The following SPHKAP variants were observed in gnomAD, a reference collection of about 807,000 sequenced individuals.
SPHKAP encodes A-kinase anchor protein SPHKAP.
SPHKAP carries 67 observed loss-of-function variants against 137.5 expected under a neutral mutation model. The ratio of observed to expected loss-of-function variants is 0.49; its 90% CI spans 0.40 to 0.60. SPHKAP has a LOEUF of 0.60. Ranked by LOEUF, SPHKAP falls within the 20% of genes least tolerant of loss-of-function variation. The pLI, the probability that SPHKAP is intolerant of heterozygous loss-of-function variation, is 0.00. For synonymous variants in SPHKAP, 813 were observed against 785.3 expected (o/e 1.04, Z -0.59); for missense variants, 2,097 against 2,069.3 (o/e 1.01, Z -0.26).
chr2:228,017,740 A>G lies in SPHKAP; in HGVS notation c.3114T>C (p.Phe1038=), dbSNP rs1694665672. ...TGATCTTGGCTGCCACTTCATTGGC[A>G]AAAAGATTGACAGAATCTGGGACAT... ...LEDVPDSVNL[F]ANEVAAKIMN... Residue 1038 remains phenylalanine, a synonymous_variant, in exon 7 of 12, where the codon TTT becomes TTC. Coordinates refer to ENST00000392056, the MANE Select transcript of SPHKAP (RefSeq NM_001142644.2). 6.2e-7 allele frequency: 1 copy of G among 1,614,090 alleles called. No individual in the cohort carries two copies. The highest frequency in any genetic ancestry group is 8.5e-7 in the Non-Finnish European group (1 of 1,180,030).
At chr2:228,076,564 G>A (rs1232496604) in intron 3 of SPHKAP, among the ~76,000 whole-genome samples, 1 of 152,102 alleles carries the variant, frequency 6.6e-6, no homozygotes, top group East Asian at 1.9e-4. Context: ...AAGAGACTGG[G>A]GACATTTTGC....
chr2:228,088,922 CAA>C (rs796860245), intron 3 of SPHKAP, among the ~76,000 whole-genome samples: 9 of 152,284 alleles, frequency 5.9e-5, no homozygotes, highest in African/African-American at 2.2e-4. Context: ...TACCTAGTCT[CAA>C]GTATTCTTTT....
intron 3 of SPHKAP, among the ~76,000 whole-genome samples, chr2:228,098,924 A>C (rs1194762853): frequency 6.6e-6 from 1 of 151,760 alleles, no homozygotes; most frequent in East Asian, 1.9e-4. Flanking sequence ...ATAGATTCTG[A>C]ATATTAGATC....
intron 7 of SPHKAP, among the ~76,000 whole-genome samples, chr2:228,009,327 A>T (rs1441697636): frequency 1.3e-5 from 2 of 152,150 alleles, no homozygotes; most frequent in Non-Finnish European, 2.9e-5. Context: ...TAATTTGATT[A>T]TCATGTGCCT....
chr2:228,043,658 T>G (rs1399178786), intron 3 of SPHKAP, among the ~76,000 whole-genome samples: 1 of 152,194 alleles, frequency 6.6e-6, no homozygotes, highest in Non-Finnish European at 1.5e-5. Context: ...GTTAAAAAGC[T>G]AATCAAATAA....
chr2:228,027,975 A>G, intron 3 of SPHKAP: 1 of 968,872 alleles, frequency 1.0e-6, no homozygotes. Flanking sequence ...AAAAAAAAAA[A>G]AGAAAAAAGA....
At chr2:228,004,796 G>A (rs889749805) in intron 7 of SPHKAP, among the ~76,000 whole-genome samples, 1 of 152,050 alleles carries the variant, frequency 6.6e-6, no homozygotes, top group Admixed American at 6.6e-5. Flanking sequence ...CTTTATTTCT[G>A]CCTTCATTTT....
chr2:228,116,223 C>A (rs34862603), intron 2 of SPHKAP, among the ~76,000 whole-genome samples: 3,176 of 152,180 alleles, frequency 0.021, 51 homozygotes, highest in Non-Finnish European at 0.029. Context: ...CCTATGTGTT[C>A]GTATTGTAAT....
chr2:228,074,355 A>C (rs1697104798), intron 3 of SPHKAP, among the ~76,000 whole-genome samples: 1 of 152,186 alleles, frequency 6.6e-6, no homozygotes. Flanking sequence ...TTAATTTATA[A>C]AGGAAAGAGG....
chr2:228,036,704 TA>T (rs1259497219), intron 3 of SPHKAP, among the ~76,000 whole-genome samples: 4 of 152,050 alleles, frequency 2.6e-5, no homozygotes, highest in Non-Finnish European at 5.9e-5. Flanking sequence ...TATGCAGCCA[TA>T]AAAAATGATG....
chr2:228,018,808 T>C lies in SPHKAP; in HGVS notation c.2046A>G (p.Glu682=). 2 of 1,614,210 alleles carry C rather than the reference T, an allele frequency of 1.2e-6. No homozygotes were observed. The highest frequency in any genetic ancestry group is 2.2e-5 in the East Asian group (1 of 44,888). Residue 682 remains glutamate (E), a synonymous_variant, in exon 7 of 12, where the codon GAA becomes GAG. Transcript: ENST00000392056. ...CGATTATCATATTTTTGTGGTGAAC[T>C]TCATCAATGGAATGCCTCAGGATAA... The part of the protein sequence containing the change: ...SNVILRHSID[E]VHHKNMIIDP...
chr2:228,093,408 A>G (rs1043472254), intron 3 of SPHKAP, among the ~76,000 whole-genome samples: 1 of 152,246 alleles, frequency 6.6e-6, no homozygotes, highest in Non-Finnish European at 1.5e-5. Flanking sequence ...ATGAATGAAC[A>G]AAACCCACAC....
At chr2:228,078,513 G>A (rs1305243008) in intron 3 of SPHKAP, among the ~76,000 whole-genome samples, 1 of 151,406 alleles carries the variant, frequency 6.6e-6, no homozygotes, top group East Asian at 1.9e-4. Flanking sequence ...GTAAATTAGT[G>A]GTGTGACTGT....
intron 3 of SPHKAP, among the ~76,000 whole-genome samples, chr2:228,085,649 T>C (rs952621984): frequency 3.9e-5 from 6 of 152,248 alleles, no homozygotes; most frequent in African/African-American, 7.2e-5. Flanking sequence ...TGGGCTTATC[T>C]TGAAATTGCA....
intron 7 of SPHKAP, 55 bp from the exon 8 acceptor site, chr2:227,995,749 G>A: frequency 7.2e-7 from 1 of 1,398,584 alleles, no homozygotes; most frequent in Non-Finnish European, 9.5e-7. Context: ...CACACACACA[G>A]AAACTTCACA....
intron 1 of SPHKAP, among the ~76,000 whole-genome samples, chr2:228,138,865 T>G (rs1039920856): frequency 2.0e-5 from 3 of 152,014 alleles, no homozygotes; most frequent in Non-Finnish European, 4.4e-5. Flanking sequence ...AGCAAGAAAC[T>G]GTGATGTATT....
intron 3 of SPHKAP, among the ~76,000 whole-genome samples, chr2:228,054,335 A>G (rs1306979632): frequency 6.6e-6 from 1 of 152,166 alleles, no homozygotes; most frequent in Non-Finnish European, 1.5e-5. Flanking sequence ...CTCTGGTGGG[A>G]GAATCATGTA....
In SPHKAP at chr2:228,181,065, G is replaced by A. The variant is rs140159853; in HGVS notation, c.32+502C>T. Among the ~76,000 whole-genome samples the A allele has an allele frequency of 5.9e-5, 9 of 152,210 alleles. No individual in the cohort carries two copies. Among genetic ancestry groups the A allele is most frequent in the African/African-American group, 1.7e-4 (7 of 41,548 alleles). ...CCTGTCTTAAGATCTCGCTTTGGGG[G>A]CAGTCTAGGTGTCGGTCGGGGGTGA... is the stretch of plus-strand genomic sequence containing the variant. On this transcript the variant is annotated intron_variant, in intron 1 of 11. Transcript: ENST00000392056. The surrounding 1 kb of genome is among the most constrained non-coding windows in gnomAD (Gnocchi z 4.3).
rs372091187 is a variant in SPHKAP at position 228,021,853 on chromosome 2, C to T, written c.555G>A (p.Val185=). 1 of 1,614,054 alleles carries T rather than the reference C, an allele frequency of 6.2e-7. No individual in the cohort carries two copies. ...TTTCCAGGTGGAGCTGTCGCTCCTGCACCAGTTCCAGACCAATCAGAAATT... is the reference window on the plus strand; with the variant it reads ...TTTCCAGGTGGAGCTGTCGCTCCTGTACCAGTTCCAGACCAATCAGAAATT... ...INKFLIGLEL[V]QERQLHLETN... is the part of the protein sequence containing the mutation. Residue 185 remains valine, a synonymous_variant, in exon 6 of 12, where the codon GTG becomes GTA. Coordinates refer to ENST00000392056, the MANE Select transcript of SPHKAP (RefSeq NM_001142644.2).
Sources: allele counts gnomAD v4.1 joint callset (sites outside exome capture counted in the v4.1 genomes callset), GRCh38; gene constraint gnomAD v4.1.1; non-coding constraint Gnocchi (gnomAD v3.1); transcripts MANE v1.5; gene names NCBI Gene and HGNC (gene_info 2026-07-23, HGNC 2026-07-21).